Variants in MYO9B observed in about 807,000 individuals in gnomAD.
MYO9B encodes myosin IXB.
MYO9B carries 71 observed loss-of-function variants against 229.5 expected under a neutral mutation model. The ratio of observed to expected loss-of-function variants is 0.31; its 90% CI spans 0.26 to 0.38. The LOEUF (loss-of-function observed/expected upper bound fraction) is 0.38, where lower values mean the gene tolerates loss of function less well. MYO9B is among the 10% of genes least tolerant of loss of function. The pLI, the probability that MYO9B is intolerant of heterozygous loss-of-function variation, is 1.00. For synonymous variants in MYO9B, 1,185 were observed against 1,235.8 expected (o/e 0.96, Z 0.86); for missense variants, 2,255 against 2,920.5 (o/e 0.77, Z 5.25).
At position 17,206,308 on chromosome 19, in the gene MYO9B, A is replaced by T; in HGVS notation, c.5318A>T (p.Gln1773Leu). The change falls in exon 33 of 40, where the codon CAG becomes CTG. Residue 1773 changes from glutamine to leucine, a missense_variant. Physicochemically the swap from Gln to Leu is moderately radical, Grantham distance 113 (BLOSUM62 -2). This residue lies in a region of MYO9B where 416 missense variants were observed against 605.5 expected (regional missense o/e 0.69). Transcript: ENST00000682292. ...CACGCCATCACAGGGGTGCTGAAGCAGTGGCTGCGGGAGCTGCCCGAGCCC... is the reference window on the plus strand; with the variant it reads ...CACGCCATCACAGGGGTGCTGAAGCTGTGGCTGCGGGAGCTGCCCGAGCCC... ...PIHAITGVLK[Q>L]WLRELPEPLM... is the part of the protein sequence containing the mutation. 6.2e-7 allele frequency: 1 copy of T among 1,605,542 alleles called. No homozygotes were observed. The highest frequency in any genetic ancestry group is 1.1e-5 in the South Asian group (1 of 90,122).
At chr19:17,160,857 G>T (rs1038171650) in intron 8 of MYO9B, among the ~76,000 whole-genome samples, 1 of 152,078 alleles carries the variant, frequency 6.6e-6, no homozygotes, top group Admixed American at 6.6e-5. Flanking sequence ...GTGCCACCAC[G>T]CCCGGCTACT....
Position 17,200,746 on chromosome 19 carries a change from T to G in MYO9B, c.4480T>G (p.Ser1494Ala). The change falls in exon 26 of 40, where the codon TCA becomes GCA. Residue 1494 changes from serine (S) to alanine (A), a missense_variant. Physicochemically the swap from Ser to Ala is moderately conservative, Grantham distance 99. This residue lies in a region of MYO9B where 416 missense variants were observed against 605.5 expected (regional missense o/e 0.69). Coordinates refer to ENST00000682292, the MANE Select transcript of MYO9B (RefSeq NM_004145.4). Reference protein sequence around the residue: ...RNVKIGKITVSEKWRESVFRQ... With the variant: ...RNVKIGKITVAEKWRESVFRQ... ...TGTCAAGATTGGGAAGATCACAGTGTCAGAGAAGTGGCGGGAATCGGTGTT... is the reference window on the plus strand; with the variant it reads ...TGTCAAGATTGGGAAGATCACAGTGGCAGAGAAGTGGCGGGAATCGGTGTT... The G allele has an allele frequency of 6.2e-7, 1 of 1,614,002 alleles. No homozygotes were observed. The highest frequency in any genetic ancestry group is 8.5e-7 in the Non-Finnish European group (1 of 1,179,886).
intron 5 of MYO9B, 35 bp downstream of exon 5, chr19:17,154,101 C>T (rs370716004): frequency 1.3e-5 from 21 of 1,574,894 alleles, no homozygotes; most frequent in South Asian, 2.2e-5. Context: ...CAAACGCCAC[C>T]TCTGTTCCCG....
At position 17,205,347 on chromosome 19, in the gene MYO9B, G is replaced by A. The variant is rs75184921; in HGVS notation, c.5064+11G>A. ...ACCTACGGGAGGAAGGTGAGTGTAC[G>A]AGGCCTGGAACTTTCTACAATGACA... On this transcript the variant is annotated intron_variant, in intron 31 of 39. Transcript: ENST00000682292. 8 of 1,612,526 alleles carry A rather than the reference G, an allele frequency of 5.0e-6. No homozygotes were observed. The highest frequency in any genetic ancestry group is 3.3e-5 in the South Asian group (3 of 91,044).
chr19:17,082,886 G>A (rs1440349793), intron 1 of MYO9B, among the ~76,000 whole-genome samples: 2 of 152,110 alleles, frequency 1.3e-5, no homozygotes. Flanking sequence ...CTGAACCGGG[G>A]CAGGTACGTC....
intron 17 of MYO9B, 99 bp downstream of exon 17, chr19:17,185,086 C>A: frequency 6.4e-7 from 1 of 1,560,686 alleles, no homozygotes; most frequent in Non-Finnish European, 8.7e-7. Flanking sequence ...AGTAAAAATA[C>A]AAAAATTGGC....
At chr19:17,082,644 G>A (rs2057543870) in intron 1 of MYO9B, among the ~76,000 whole-genome samples, 3 of 152,174 alleles carry the variant, frequency 2.0e-5, no homozygotes, top group African/African-American at 4.8e-5. Flanking sequence ...GGGGTAGCTT[G>A]CCCACTGCTT....
Position 17,075,787 on chromosome 19 carries a change from G to A in MYO9B, c.-146G>A, listed in dbSNP as rs1211025375. 5.8e-5 allele frequency: 9 copies of A among 154,258 alleles called. No individual in the cohort carries two copies. The highest frequency in any genetic ancestry group is 1.0e-4 in the Non-Finnish European group (7 of 69,688). The allele number at this position is 154,258 out of a possible 1,614,324, so 9.6% of individuals were successfully genotyped here. A position where few individuals can be genotyped will look rare whatever the true frequency, so the allele number is the denominator to read the frequency against. Reference sequence around the variant, plus strand: ...GGGGGAGCGGCGGGCGCGGCGGGGCGGAGCGGCTCGAGCAGCGGCGGGCTG... The same window carrying A: ...GGGGGAGCGGCGGGCGCGGCGGGGCAGAGCGGCTCGAGCAGCGGCGGGCTG... On this transcript the variant is annotated 5_prime_UTR_variant, in exon 1 of 40. Transcript: ENST00000682292.
In MYO9B at chr19:17,180,920, C is replaced by T; in HGVS notation, c.2220-7C>T. The T allele has an allele frequency of 6.3e-7, 1 of 1,597,682 alleles. No individual in the cohort carries two copies. The highest frequency in any genetic ancestry group is 8.6e-7 in the Non-Finnish European group (1 of 1,169,298). ...TGTCACTGCGCCCCCTCCACCCCTC[C>T]CCTCAGCGATTTGCATAACCAAATG... On this transcript the variant is annotated splice_region_variant and splice_polypyrimidine_tract_variant and intron_variant, in intron 14 of 39. Coordinates refer to ENST00000682292, the MANE Select transcript of MYO9B (RefSeq NM_004145.4).
At chr19:17,191,294 C>T in intron 20 of MYO9B, 75 bp downstream of exon 20, 2 of 1,453,290 alleles carry the variant, frequency 1.4e-6, no homozygotes, top group Non-Finnish European at 1.8e-6. Flanking sequence ...TCCCCAGGCC[C>T]CCAGGGCCAC....
At chr19:17,158,869 G>C (rs2072566955) in intron 7 of MYO9B, among the ~76,000 whole-genome samples, 1 of 152,210 alleles carries the variant, frequency 6.6e-6, no homozygotes, top group African/African-American at 2.4e-5. Context: ...CCCGTGCTAT[G>C]TGGGAATTCT....
intron 24 of MYO9B, 77 bp downstream of exon 24, chr19:17,198,385 G>T: frequency 6.3e-7 from 1 of 1,584,754 alleles, no homozygotes. Flanking sequence ...CAGCAGTGTG[G>T]CCTCCTAAAC....
intron 2 of MYO9B, among the ~76,000 whole-genome samples, chr19:17,119,536 CCACGTAAAGAAAAG>C (rs1193216183): frequency 6.6e-6 from 1 of 152,082 alleles, no homozygotes; most frequent in Non-Finnish European, 1.5e-5. Context: ...TCTGGAACTG[CCACGTAAAGAAAAG>C]CAGAGATGCC....
At chr19:17,104,947 G>A (rs777582293) in intron 2 of MYO9B, among the ~76,000 whole-genome samples, 5 of 152,084 alleles carry the variant, frequency 3.3e-5, no homozygotes, top group Non-Finnish European at 5.9e-5. Flanking sequence ...GGTTCTTGGT[G>A]TTGCACATTC....
intron 1 of MYO9B, among the ~76,000 whole-genome samples, chr19:17,081,810 C>CA (rs5827357): frequency 0.41 from 28,772 of 69,522 alleles, 5,035 homozygotes; most frequent in Non-Finnish European, 0.47. Flanking sequence ...GATCCCATCT[C>CA]AAAAAAAAAA....
chr19:17,207,036 A>T, intron 34 of MYO9B, 77 bp from the exon 35 acceptor site: 2 of 1,553,812 alleles, frequency 1.3e-6, no homozygotes, highest in East Asian at 2.4e-5. Flanking sequence ...CCCAGGGCTC[A>T]GAAGTTCAGT....
intron 18 of MYO9B, 64 bp downstream of exon 18, chr19:17,186,065 C>G: frequency 6.9e-7 from 1 of 1,449,206 alleles, no homozygotes; most frequent in Non-Finnish European, 9.7e-7. Context: ...GTGTCGGTGT[C>G]CCTGCATCCA....
chr19:17,091,260 C>G (rs1465875219), intron 1 of MYO9B, among the ~76,000 whole-genome samples: 2 of 152,226 alleles, frequency 1.3e-5, no homozygotes, highest in Non-Finnish European at 2.9e-5. Context: ...TGGTCTTGCT[C>G]TGTGGCCCAG....
At chr19:17,086,347 G>A (rs1326295992) in intron 1 of MYO9B, among the ~76,000 whole-genome samples, 2 of 152,190 alleles carry the variant, frequency 1.3e-5, no homozygotes, top group Non-Finnish European at 2.9e-5. Context: ...CGCCTGGGCT[G>A]CTGTCCTCAA....
Sources: allele counts gnomAD v4.1 joint callset (sites outside exome capture counted in the v4.1 genomes callset), GRCh38; gene constraint gnomAD v4.1.1; regional missense constraint gnomAD v4.1.1; transcripts MANE v1.5; gene names NCBI Gene and HGNC (gene_info 2026-07-23, HGNC 2026-07-21).